Variants in GUCY1A2 observed in about 807,000 individuals in gnomAD.
GUCY1A2 encodes the protein guanylate cyclase soluble subunit alpha-2.
A neutral mutation model predicts 63.5 loss-of-function variants in GUCY1A2; 27 were observed. The observed-to-expected ratio is 0.43, with a 90% CI of 0.31 to 0.59. The LOEUF (loss-of-function observed/expected upper bound fraction) is 0.59. GUCY1A2 is among the 20% of genes least tolerant of loss of function. GUCY1A2 has a pLI of 0.11. For synonymous variants in GUCY1A2, 364 were observed against 343.5 expected, an observed-to-expected ratio of 1.06 and a Z score of -0.66; for missense variants, 768 against 913.3, an observed-to-expected ratio of 0.84 and a Z score of 2.05.
At chr11:106,720,269 A>G (rs1863292966) in intron 6 of GUCY1A2, among the ~76,000 whole-genome samples, 1 of 152,196 alleles carries the variant, frequency 6.6e-6, no homozygotes, top group South Asian at 2.1e-4. Flanking sequence ...TAAACTTTTT[A>G]TATAAAATAA....
chr11:106,965,542 C>A (rs1028653521), intron 3 of GUCY1A2, among the ~76,000 whole-genome samples: 6 of 152,202 alleles, frequency 3.9e-5, no homozygotes, highest in African/African-American at 1.4e-4. Flanking sequence ...ACTTCCACTT[C>A]TCTTGGGATG....
rs1359124804 is a variant in GUCY1A2, at chr11:106,680,321, A to T, written c.*7228T>A. The T allele has an allele frequency of 4.8e-6, 1 of 208,546 alleles. No homozygotes were observed. Among genetic ancestry groups the T allele is most frequent in the East Asian group, 7.3e-5 (1 of 13,648 alleles). The allele number at this position is 208,546 out of a possible 1,614,324, so 12.9% of individuals were successfully genotyped here. A position where few individuals can be genotyped will look rare whatever the true frequency, so the allele number is the denominator to read the frequency against. ...ATGACATTTAATAGACCACAGTAAA[A>T]ATATATTAAGTAGAATTCCTTCTTT... On this transcript the variant is annotated 3_prime_UTR_variant, in exon 8 of 8. Transcript: ENST00000526355.
chr11:106,948,976 GC>G (rs1320232239), intron 3 of GUCY1A2, among the ~76,000 whole-genome samples: 1 of 151,844 alleles, frequency 6.6e-6, no homozygotes, highest in Non-Finnish European at 1.5e-5. Flanking sequence ...ACCAAAACAA[GC>G]AAACATATAA....
At chr11:106,699,951 T>G (rs932098060) in intron 7 of GUCY1A2, among the ~76,000 whole-genome samples, 2 of 151,792 alleles carry the variant, frequency 1.3e-5, no homozygotes, top group African/African-American at 4.8e-5. Flanking sequence ...CTGGCTAATT[T>G]CTTTTGTATT....
chr11:106,859,592 A>C (rs191238294), intron 4 of GUCY1A2, among the ~76,000 whole-genome samples: 1 of 152,142 alleles, frequency 6.6e-6, no homozygotes, highest in East Asian at 1.9e-4. Flanking sequence ...GTGCATTTTT[A>C]AAAGTGAAAT....
At chr11:106,743,062 T>C (rs1174148430) in intron 6 of GUCY1A2, among the ~76,000 whole-genome samples, 1 of 152,214 alleles carries the variant, frequency 6.6e-6, no homozygotes, top group Non-Finnish European at 1.5e-5. Flanking sequence ...AGTAGTCTTT[T>C]ATTCCTTCAT....
At chr11:106,933,125 T>G (rs1860626453) in intron 4 of GUCY1A2, among the ~76,000 whole-genome samples, 2 of 152,002 alleles carry the variant, frequency 1.3e-5, no homozygotes, top group Non-Finnish European at 1.5e-5. Flanking sequence ...GGGACCTAAT[T>G]AAACTAAAGA....
At chr11:106,806,645 G>T (rs1210825254) in intron 5 of GUCY1A2, among the ~76,000 whole-genome samples, 1 of 152,060 alleles carries the variant, frequency 6.6e-6, no homozygotes, top group East Asian at 1.9e-4. Context: ...CTGAAAATTT[G>T]CCTTTCTAAT....
At chr11:106,855,825 A>G (rs1565311096) in intron 4 of GUCY1A2, among the ~76,000 whole-genome samples, 1 of 152,086 alleles carries the variant, frequency 6.6e-6, no homozygotes, top group East Asian at 1.9e-4. Context: ...TTTTAAAATA[A>G]ATTTTGAAAT....
At chr11:106,957,468 G>T (rs1861001719) in intron 3 of GUCY1A2, among the ~76,000 whole-genome samples, 1 of 152,162 alleles carries the variant, frequency 6.6e-6, no homozygotes, top group African/African-American at 2.4e-5. Context: ...GGGTGGCAGG[G>T]TTCTGTGGAA....
intron 5 of GUCY1A2, among the ~76,000 whole-genome samples, chr11:106,799,181 A>G (rs1378487874): frequency 1.3e-5 from 2 of 152,176 alleles, no homozygotes; most frequent in Non-Finnish European, 2.9e-5. Context: ...TAGGAATCCA[A>G]CTTACAAGGG....
intron 6 of GUCY1A2, among the ~76,000 whole-genome samples, chr11:106,768,800 G>A (rs1303522787): frequency 6.6e-6 from 1 of 152,134 alleles, no homozygotes; most frequent in Non-Finnish European, 1.5e-5. Context: ...TCCAGAAAAG[G>A]TAATGGAAAG....
chr11:106,866,338 G>A (rs574484436), intron 4 of GUCY1A2, among the ~76,000 whole-genome samples: 2 of 152,126 alleles, frequency 1.3e-5, no homozygotes, highest in South Asian at 4.1e-4. Context: ...TGCTTCTCCT[G>A]TTAGACTAAT....
chr11:106,850,285 T>C (rs1859334656), intron 4 of GUCY1A2, among the ~76,000 whole-genome samples: 1 of 151,822 alleles, frequency 6.6e-6, no homozygotes, highest in African/African-American at 2.4e-5. Flanking sequence ...GTACAATGGG[T>C]AATGATCAAA....
At chr11:106,724,088 G>A (rs1565269704) in intron 6 of GUCY1A2, among the ~76,000 whole-genome samples, 1 of 152,174 alleles carries the variant, frequency 6.6e-6, no homozygotes, top group Non-Finnish European at 1.5e-5. Context: ...GCTAACTTGG[G>A]TCAAGTGAGT....
intron 7 of GUCY1A2, among the ~76,000 whole-genome samples, chr11:106,695,036 T>C (rs11211866): frequency 0.093 from 14,181 of 152,206 alleles, 892 homozygotes; most frequent in Non-Finnish European, 0.14. Flanking sequence ...CAGGCTGATA[T>C]TTAGATTTAG....
At chr11:106,850,472 T>C (rs1453485974) in intron 4 of GUCY1A2, among the ~76,000 whole-genome samples, 2 of 151,770 alleles carry the variant, frequency 1.3e-5, no homozygotes, top group African/African-American at 2.4e-5. Flanking sequence ...GTAATTTTTG[T>C]ATCTGTTAAC....
At chr11:106,802,336 T>C (rs1251170053) in intron 5 of GUCY1A2, among the ~76,000 whole-genome samples, 1 of 152,172 alleles carries the variant, frequency 6.6e-6, no homozygotes, top group Non-Finnish European at 1.5e-5. Flanking sequence ...TTAAATTCTT[T>C]ACAGTTTATT....
chr11:106,709,030 A>C (rs1043600301), intron 6 of GUCY1A2, among the ~76,000 whole-genome samples: 1 of 149,292 alleles, frequency 6.7e-6, no homozygotes, highest in Non-Finnish European at 1.5e-5. Context: ...TCTTAAATAA[A>C]ACCTTATTTG....
Sources: allele counts gnomAD v4.1 joint callset (sites outside exome capture counted in the v4.1 genomes callset), GRCh38; gene constraint gnomAD v4.1.1; transcripts MANE v1.5; gene names NCBI Gene and HGNC (gene_info 2026-07-23, HGNC 2026-07-21).